The following LRPAP1 variants were observed in gnomAD, a reference collection of about 807,000 sequenced individuals.
LRPAP1 encodes the protein LDL receptor related protein associated protein 1.
A neutral mutation model predicts 39.9 loss-of-function variants in LRPAP1; 41 were observed. The observed-to-expected ratio is 1.03, with a 90% CI of 0.80 to 1.33. The LOEUF is 1.33. Among genes scored for constraint, LRPAP1 ranks in the 40% most tolerant of loss-of-function variants. LRPAP1 has a pLI of 0.00. For synonymous variants in LRPAP1, 263 were observed against 212.7 expected (o/e 1.24, Z -2.06); for missense variants, 565 against 482.3 (o/e 1.17, Z -1.61).
intron 2 of LRPAP1, among the ~76,000 whole-genome samples, chr4:3,521,788 A>C (rs1188819168): frequency 6.6e-6 from 1 of 152,212 alleles, no homozygotes; most frequent in African/African-American, 2.4e-5. Flanking sequence ...TGCATGCTTC[A>C]AAGCTCAACC....
Position 3,505,072 on chromosome 4 carries a change from T to C in LRPAP1, c.*7902A>G, listed in dbSNP as rs1422540282. On this transcript the variant is annotated 3_prime_UTR_variant, in exon 8 of 8. Transcript: ENST00000650182. ...GTGATACCAGAGGCTAAAATAATCA[T>C]GTGCCCTACCATGCACGCAGCCATG... Among the ~76,000 whole-genome samples the C allele has an allele frequency of 1.3e-5, 2 of 152,132 alleles. No homozygotes were observed. The highest frequency in any genetic ancestry group is 6.5e-5 in the Admixed American group (1 of 15,276).
At chr4:3,524,686 A>G (rs1375235069) in intron 2 of LRPAP1, among the ~76,000 whole-genome samples, 2 of 152,182 alleles carry the variant, frequency 1.3e-5, no homozygotes, top group African/African-American at 4.8e-5. Context: ...CAAACACTGA[A>G]GCCAGTGGCC....
chr4:3,522,947 G>T (rs1388664934), intron 2 of LRPAP1, among the ~76,000 whole-genome samples: 1 of 152,150 alleles, frequency 6.6e-6, no homozygotes, highest in East Asian at 1.9e-4. Flanking sequence ...TGGCACGGGG[G>T]ACCTCGGGGG....
At chr4:3,526,967 G>A (rs1042824374) in intron 1 of LRPAP1, among the ~76,000 whole-genome samples, 1 of 152,188 alleles carries the variant, frequency 6.6e-6, no homozygotes, top group Non-Finnish European at 1.5e-5. Flanking sequence ...GATCCCCAAT[G>A]GTAAAAAGAT....
In LRPAP1 at chr4:3,518,150, A is replaced by T; in HGVS notation, c.635T>A (p.Ile212Asn). 1.2e-6 allele frequency: 2 copies of T among 1,613,536 alleles called. No homozygotes were observed. Among genetic ancestry groups the T allele is most frequent in the Non-Finnish European group, 8.5e-7 (1 of 1,179,886 alleles). ...NVISPSDLSDIKGSVLHSRHT... is the reference protein window; with the variant it reads ...NVISPSDLSDNKGSVLHSRHT... Reference sequence around the variant, plus strand: ...CCTGCTGTGCAGGACGCTGCCCTTGATGTCGCTCAGGTCCGAGGGGCTAAT... The same window carrying T: ...CCTGCTGTGCAGGACGCTGCCCTTGTTGTCGCTCAGGTCCGAGGGGCTAAT... Residue 212 changes from isoleucine (I) to asparagine (N), a missense_variant, in exon 5 of 8, where the codon ATC (isoleucine) becomes AAC (asparagine). Physicochemically the swap from Ile to Asn is moderately radical, Grantham distance 149. Transcript: ENST00000650182.
rs1169601266 is a variant in LRPAP1, at chr4:3,532,375, A to G, written c.38T>C (p.Leu13Pro). The change falls in exon 1 of 8, where the codon CTC becomes CCC. Residue 13 changes from leucine to proline, a missense_variant. Leu to Pro is a moderately conservative substitution (Grantham distance 98). Coordinates refer to ENST00000650182, the MANE Select transcript of LRPAP1 (RefSeq NM_002337.4). ...PRRVRSFLRG[L>P]PALLLLLLFL... The stretch of plus-strand genomic sequence containing the variant: ...GAGCAGCAGCAGTAGCAGCGCCGGG[A>G]GCCCGCGCAGAAACGACCTGACCCT... 1.3e-6 allele frequency: 2 copies of G among 1,592,118 alleles called. No individual in the cohort carries two copies. Among genetic ancestry groups the G allele is most frequent in the South Asian group, 1.1e-5 (1 of 88,212 alleles).
At position 3,506,104 on chromosome 4, in the gene LRPAP1, C is replaced by A. The variant is rs1353814074; in HGVS notation, c.*6870G>T. ...TTGAGACAGAGTCTTGCTCTGTTAT[C>A]CATGCTGGAGAGCAATGGCACGATT... On this transcript the variant is annotated 3_prime_UTR_variant, in exon 8 of 8. Transcript: ENST00000650182. 6.6e-6 allele frequency among the ~76,000 whole-genome samples: 1 copy of A among 151,486 alleles called. No individual in the cohort carries two copies. The highest frequency in any genetic ancestry group is 2.4e-5 in the African/African-American group (1 of 41,208).
At chr4:3,523,416 T>C (rs1205568349) in intron 2 of LRPAP1, among the ~76,000 whole-genome samples, 1 of 152,214 alleles carries the variant, frequency 6.6e-6, no homozygotes, top group Non-Finnish European at 1.5e-5. Flanking sequence ...AACCAGACTC[T>C]TGAACATGGT....
rs1462760946 is a variant in LRPAP1 at position 3,506,655 on chromosome 4, AG to A, written c.*6318del. The A allele has an allele frequency of 3.9e-5, 6 of 152,214 alleles. No homozygotes were observed. The highest frequency in any genetic ancestry group is 8.8e-5 in the Non-Finnish European group (6 of 68,060). 9.4% of individuals were successfully genotyped at this position (152,214 alleles called of 1,614,324 possible). A position where few individuals can be genotyped will look rare whatever the true frequency, so the allele number is the denominator to read the frequency against. On this transcript the variant is annotated 3_prime_UTR_variant, in exon 8 of 8. Transcript: ENST00000650182. ...CCAAAGTGCTGGGATTCCAGGCATGAGCCACCGCACCCGGCCGGCTCGAGCT... is the reference window on the plus strand; with the variant it reads ...CCAAAGTGCTGGGATTCCAGGCATGACCACCGCACCCGGCCGGCTCGAGCT...
rs533821422 is a variant in LRPAP1, at chr4:3,506,677, G to A, written c.*6297C>T. 2.8e-4 allele frequency: 42 copies of A among 152,148 alleles called. No individual in the cohort carries two copies. Among genetic ancestry groups the A allele is most frequent in the African/African-American group, 9.4e-4 (39 of 41,500 alleles). 9.4% of individuals were successfully genotyped at this position (152,148 alleles called of 1,614,324 possible). On this transcript the variant is annotated 3_prime_UTR_variant, in exon 8 of 8. Coordinates refer to ENST00000650182, the MANE Select transcript of LRPAP1 (RefSeq NM_002337.4). ...ATGAGCCACCGCACCCGGCCGGCTC[G>A]AGCTGTTTTTAAGAGGATATATCCT...
At chr4:3,516,505 C>T (rs142351790) in intron 5 of LRPAP1, among the ~76,000 whole-genome samples, 2 of 150,240 alleles carry the variant, frequency 1.3e-5, no homozygotes, top group African/African-American at 2.4e-5. Context: ...CCCTGGCTGC[C>T]TCTGAAGCAG....
chr4:3,513,493 G>A (rs745883739), intron 7 of LRPAP1, among the ~76,000 whole-genome samples: 1 of 152,158 alleles, frequency 6.6e-6, no homozygotes, highest in South Asian at 2.1e-4. Flanking sequence ...ACTTTTGGTA[G>A]AGATGGGGTT....
At chr4:3,516,483 C>T (rs1056037897) in intron 5 of LRPAP1, among the ~76,000 whole-genome samples, 2 of 117,954 alleles carry the variant, frequency 1.7e-5, no homozygotes, top group South Asian at 3.4e-4. Flanking sequence ...GCCTGGGAAG[C>T]GCCACAGCCC....
intron 1 of LRPAP1, among the ~76,000 whole-genome samples, chr4:3,526,768 C>G (rs987959505): frequency 1.3e-5 from 2 of 152,222 alleles, no homozygotes; most frequent in Non-Finnish European, 1.5e-5. Flanking sequence ...GCAGCTCAGT[C>G]TGTGTTGGGC....
intron 2 of LRPAP1, among the ~76,000 whole-genome samples, chr4:3,520,995 T>C (rs796179285): frequency 6.6e-6 from 1 of 152,334 alleles, no homozygotes; most frequent in Admixed American, 6.5e-5. Context: ...GCACTTGGGA[T>C]GTGAGAGCAG....
chr4:3,510,626 G>T lies in LRPAP1; in HGVS notation c.*2348C>A, dbSNP rs1280875151. ...ACTGGAAACGTACACTCCTGAGTAG[G>T]GACTGGATACACACGCGGCACACAC... On this transcript the variant is annotated 3_prime_UTR_variant, in exon 8 of 8. Transcript: ENST00000650182. 6.6e-6 allele frequency: 1 copy of T among 152,282 alleles called. No homozygotes were observed. Among genetic ancestry groups the T allele is most frequent in the Non-Finnish European group, 1.5e-5 (1 of 68,058 alleles). The allele number at this position is 152,282 out of a possible 1,614,324, so 9.4% of individuals were successfully genotyped here. A position where few individuals can be genotyped will look rare whatever the true frequency, so the allele number is the denominator to read the frequency against.
rs781325942 is a variant in LRPAP1, at chr4:3,532,387, A to C, written c.26T>G (p.Phe9Cys). 3 of 1,589,152 alleles carry C rather than the reference A, an allele frequency of 1.9e-6. No homozygotes were observed. The highest frequency in any genetic ancestry group is 1.7e-6 in the Non-Finnish European group (2 of 1,168,650). Reference sequence around the variant, plus strand: ...TAGCAGCGCCGGGAGCCCGCGCAGAAACGACCTGACCCTCCGCGGCGCCAT... The same window carrying C: ...TAGCAGCGCCGGGAGCCCGCGCAGACACGACCTGACCCTCCGCGGCGCCAT... MAPRRVRS[F>C]LRGLPALLLL... Residue 9 changes from phenylalanine to cysteine, a missense_variant, in exon 1 of 8, where the codon TTT becomes TGT. Physicochemically the swap from Phe to Cys is radical, Grantham distance 205. Coordinates refer to ENST00000650182, the MANE Select transcript of LRPAP1 (RefSeq NM_002337.4).
intron 1 of LRPAP1, among the ~76,000 whole-genome samples, chr4:3,527,059 A>G (rs916198): frequency 0.69 from 104,512 of 152,078 alleles, 36,563 homozygotes; most frequent in East Asian, 0.92. Context: ...TCTAACCCTT[A>G]GTGGGTGGTC....
chr4:3,514,988 G>A, intron 6 of LRPAP1, 60 bp from the exon 7 acceptor site: 1 of 1,579,982 alleles, frequency 6.3e-7, no homozygotes, highest in Non-Finnish European at 8.6e-7. Flanking sequence ...CCATCTTGTG[G>A]TCCCGGGTGA....
Sources: allele counts gnomAD v4.1 joint callset (sites outside exome capture counted in the v4.1 genomes callset), GRCh38; gene constraint gnomAD v4.1.1; transcripts MANE v1.5; gene names NCBI Gene and HGNC (gene_info 2026-07-23, HGNC 2026-07-21).